The following ZAN variants were observed in gnomAD, a reference collection of about 807,000 sequenced individuals.
The protein encoded by ZAN is zonadhesin, also known as zonadhesin (gene/pseudogene).
Under a neutral mutation model 286.2 loss-of-function variants are expected in ZAN, and 260 were observed. That is an observed-to-expected ratio of 0.91 (90% confidence interval 0.82 to 1.01). The LOEUF (loss-of-function observed/expected upper bound fraction) is 1.01. Ranked by LOEUF, ZAN falls within the 50% of genes least tolerant of loss-of-function variation. ZAN has a pLI of 0.00. For synonymous variants in ZAN, 1,368 were observed against 1,417.5 expected (o/e 0.97, Z 0.79); for missense variants, 3,410 against 3,639.2 (o/e 0.94, Z 1.62).
intron 27 of ZAN, 131 bp from the exon 28 acceptor site, chr7:100,769,749 G>T (rs1810251827): frequency 1.4e-6 from 1 of 732,910 alleles, no homozygotes; most frequent in African/African-American, 1.8e-5. Context: ...ATCTCACTAT[G>T]TTGCCCAGGC....
intron 7 of ZAN, among the ~76,000 whole-genome samples, chr7:100,743,947 C>A (rs1807996906): frequency 6.6e-6 from 1 of 151,230 alleles, no homozygotes; most frequent in Admixed American, 6.6e-5. Context: ...AAACTCTGGG[C>A]CTCAAGCCAT....
At chr7:100,762,419 C>CTTT (rs869138443) in intron 20 of ZAN, 61 bp downstream of exon 20, 1,628 of 1,015,708 alleles carry the variant, frequency 1.6e-3, no homozygotes, top group Non-Finnish European at 1.7e-3. Context: ...CTGGAACTCT[C>CTTT]TTTTTTTTTT....
rs17162408 is a variant in ZAN, at chr7:100,748,455, G to T, written c.1234G>T (p.Gly412Cys). 6.2e-7 allele frequency: 1 copy of T among 1,612,378 alleles called. No homozygotes were observed. Among genetic ancestry groups the T allele is most frequent in the Non-Finnish European group, 8.5e-7 (1 of 1,179,312 alleles). The change falls in exon 11 of 48, where the codon GGT becomes TGT. Residue 412 changes from glycine to cysteine, a missense_variant. Physicochemically the swap from Gly to Cys is radical, Grantham distance 159. Coordinates refer to ENST00000613979, the MANE Select transcript of ZAN (RefSeq NM_003386.3). Reference sequence around the variant, plus strand: ...CGTCCATGGCATGGGCCCTGCGGGAGGTTTCCCTAATGCAGGTGAGGAGAT... The same window carrying T: ...CGTCCATGGCATGGGCCCTGCGGGATGTTTCCCTAATGCAGGTGAGGAGAT... ...GPVHGMGPAG[G>C]FPNAGGHYIY...
chr7:100,795,102 T>C (rs1216579450), intron 44 of ZAN, 94 bp from the exon 45 acceptor site: 1 of 1,457,998 alleles, frequency 6.9e-7, no homozygotes, highest in Non-Finnish European at 9.1e-7. Context: ...AGCCGCTGCT[T>C]TCTCCCCGGG....
At chr7:100,768,055 A>G (rs760891101) in intron 26 of ZAN, 44 bp downstream of exon 26, 2 of 1,581,694 alleles carry the variant, frequency 1.3e-6, no homozygotes, top group South Asian at 1.2e-5. Flanking sequence ...GACAATGAGT[A>G]GGCGTGTGAC....
At position 100,794,259 on chromosome 7, in the gene ZAN, G is replaced by C. The variant is rs948785195; in HGVS notation, c.8125+1G>C. ...AACCACACCCAAGGCTGCTTTCCAG[G>C]TGAACCTGCACTCCTGCCCGGTTCC... On this transcript the variant is annotated splice_donor_variant, in intron 44 of 47. Transcript: ENST00000613979. LOFTEE classifies it high-confidence loss of function. 3 of 1,597,730 alleles carry C rather than the reference G, an allele frequency of 1.9e-6. No homozygotes were observed. The African/African-American group carries it at 4.0e-5, about 21-fold the overall frequency.
Position 100,793,980 on chromosome 7 carries a change from G to C in ZAN, c.7948G>C (p.Ala2650Pro), listed in dbSNP as rs759662086. 2 of 1,613,472 alleles carry C rather than the reference G, an allele frequency of 1.2e-6. No homozygotes were observed. Among genetic ancestry groups the C allele is most frequent in the Non-Finnish European group, 1.7e-6 (2 of 1,179,828 alleles). Residue 2650 changes from alanine (A) to proline (P), a missense_variant, in exon 43 of 48, where the codon GCT becomes CCT. By Grantham distance (27) the Ala-to-Pro change is conservative. This residue lies in a region of ZAN where 1,289 missense variants were observed against 1,314.3 expected (regional missense o/e 0.98). Transcript: ENST00000613979. ...CLQWHPEPPL[A>P]DCGCTSNGIY... Reference sequence around the variant, plus strand: ...ACAGTGGCACCCAGAGCCTCCCCTGGCTGACTGTGGCTGCACCAGCAATGG... The same window carrying C: ...ACAGTGGCACCCAGAGCCTCCCCTGCCTGACTGTGGCTGCACCAGCAATGG...
At position 100,758,651 on chromosome 7, in the gene ZAN, G is replaced by A. The variant is rs1809331938; in HGVS notation, c.3571+1G>A. On this transcript the variant is annotated splice_donor_variant, in intron 17 of 47. Coordinates refer to ENST00000613979, the MANE Select transcript of ZAN (RefSeq NM_003386.3). LOFTEE classifies it high-confidence loss of function. ...GCCCAGCCCTGTGGCAACTCAACAG[G>A]TAGGCCCTGGAGATGCCACTGCGGC... 26 of 1,552,686 alleles carry A rather than the reference G, an allele frequency of 1.7e-5. No homozygotes were observed. The highest frequency in any genetic ancestry group is 1.4e-4 in the African/African-American group (10 of 73,254).
At position 100,791,854 on chromosome 7, in the gene ZAN, G is replaced by A. The variant is rs1201757775; in HGVS notation, c.7530-112G>A. Reference sequence around the variant, plus strand: ...GTCATCCTCCTGCCTCAGCCTCCCGGGTAGCTGGGACTCCAGGCAGCCACC... The same window carrying A: ...GTCATCCTCCTGCCTCAGCCTCCCGAGTAGCTGGGACTCCAGGCAGCCACC... On this transcript the variant is annotated intron_variant, in intron 40 of 47. Coordinates refer to ENST00000613979, the MANE Select transcript of ZAN (RefSeq NM_003386.3). 1.3e-5 allele frequency: 17 copies of A among 1,312,780 alleles called. No homozygotes were observed. The East Asian group carries it at 4.4e-4, about 34-fold the overall frequency. The allele number at this position is 1,312,780 out of a possible 1,614,324, so 81.3% of individuals were successfully genotyped here. A position where few individuals can be genotyped will look rare whatever the true frequency, so the allele number is the denominator to read the frequency against.
chr7:100,743,397 T>G (rs902497862), intron 7 of ZAN, among the ~76,000 whole-genome samples: 1 of 152,020 alleles, frequency 6.6e-6, no homozygotes, highest in African/African-American at 2.4e-5. Flanking sequence ...CAGCTGAGCT[T>G]CTTTCTCTTT....
chr7:100,783,783 T>TATATATATATATATACACACAC (rs377402352), intron 35 of ZAN, among the ~76,000 whole-genome samples: 5 of 20,488 alleles, frequency 2.4e-4, no homozygotes, highest in African/African-American at 6.8e-4. Context: ...TATATATATA[T>TATATATATATATATACACACAC]ACACATATAT....
chr7:100,758,283 C>T lies in ZAN; in HGVS notation c.3391C>T (p.Gln1131Ter). 6.2e-7 allele frequency: 1 copy of T among 1,613,398 alleles called. No individual in the cohort carries two copies. The highest frequency in any genetic ancestry group is 8.5e-7 in the Non-Finnish European group (1 of 1,179,890). ...PGSRVECQIS[Q>*]CGTHTVCQLK... ...CAGTCGGGTCGAGTGCCAGATCTCT[C>T]AGTGTGGGACACACACCGTGTGCCA... The change falls in exon 16 of 48, where the codon CAG (glutamine) becomes TAG (stop). Residue 1131 changes from glutamine (Q) to a stop codon, truncating the protein, a stop_gained. Transcript: ENST00000613979. LOFTEE classifies it high-confidence loss of function.
At chr7:100,737,168 G>T in intron 5 of ZAN, 88 bp downstream of exon 5, 1 of 1,430,460 alleles carries the variant, frequency 7.0e-7, no homozygotes, top group Non-Finnish European at 9.5e-7. Flanking sequence ...AAGGGATTGT[G>T]GGGGCCAAGC....
At chr7:100,767,481 T>G (rs1220466707) in intron 25 of ZAN, among the ~76,000 whole-genome samples, 2 of 142,590 alleles carry the variant, frequency 1.4e-5, no homozygotes, top group Non-Finnish European at 3.1e-5. Flanking sequence ...TTTTTTTTTT[T>G]TTTTTTTTTT....
Position 100,736,553 on chromosome 7 carries a change from C to T in ZAN, c.177C>T (p.Asp59=), listed in dbSNP as rs1201262758. The T allele has an allele frequency of 1.1e-5, 16 of 1,523,464 alleles. 2 individuals carry two copies. Among genetic ancestry groups the T allele is most frequent in the East Asian group, 2.3e-5 (1 of 43,908 alleles). The allele number at this position is 1,523,464 out of a possible 1,614,324, so 94.4% of individuals were successfully genotyped here. A position where few individuals can be genotyped will look rare whatever the true frequency, so the allele number is the denominator to read the frequency against. Residue 59 remains aspartate, a synonymous_variant, in exon 4 of 48, where the codon GAC becomes GAT. Coordinates refer to ENST00000613979, the MANE Select transcript of ZAN (RefSeq NM_003386.3). ...PLCDWSQVSA[D]DEDWVRASGP... ...GTGACTGGTCCCAAGTGTCCGCAGA[C>T]GATGAAGACTGGGTTCGAGCCAGTG...
At chr7:100,755,119 G>A (rs1336997183) in intron 14 of ZAN, 107 bp from the exon 15 acceptor site, 1 of 1,322,778 alleles carries the variant, frequency 7.6e-7, no homozygotes, top group East Asian at 2.3e-5. Flanking sequence ...AAATAATATG[G>A]TCCTGTTTCC....
In ZAN at chr7:100,769,865, TTC is replaced by T. The variant is rs753662475; in HGVS notation, c.5154-8_5154-7del. 3 of 1,551,738 alleles carry T rather than the reference TTC, an allele frequency of 1.9e-6. No homozygotes were observed. In the South Asian group the frequency reaches 3.6e-5, roughly 18 times the overall value. ...CCCAACCTGTAGCCCTCAGTTTCTA[TTC>T]TCTCTCATTTAGCTGTTTCCTTGTG... is the stretch of plus-strand genomic sequence containing the variant. On this transcript the variant is annotated splice_polypyrimidine_tract_variant and intron_variant, in intron 27 of 47. Transcript: ENST00000613979.
At chr7:100,786,195 A>T (rs1327747444) in intron 37 of ZAN, 54 bp downstream of exon 37, 1 of 1,604,360 alleles carries the variant, frequency 6.2e-7, no homozygotes, top group East Asian at 2.2e-5. Context: ...GCCAGGGCGG[A>T]GGTGGAGGAA....
chr7:100,756,235 A>G (rs1809138933), intron 15 of ZAN, among the ~76,000 whole-genome samples: 1 of 152,182 alleles, frequency 6.6e-6, no homozygotes, highest in South Asian at 2.1e-4. Flanking sequence ...TATCATTAGC[A>G]ATTTATGATA....
Sources: allele counts gnomAD v4.1 joint callset (sites outside exome capture counted in the v4.1 genomes callset), GRCh38; gene constraint gnomAD v4.1.1; regional missense constraint gnomAD v4.1.1; transcripts MANE v1.5; gene names NCBI Gene and HGNC (gene_info 2026-07-23, HGNC 2026-07-21).